Variants in MEI4 observed in about 807,000 individuals in gnomAD.
MEI4 encodes the protein meiotic double-stranded break formation protein 4.
Under a neutral mutation model 31.4 loss-of-function variants are expected in MEI4, and 27 were observed. The observed-to-expected ratio is 0.86, with a 90% CI of 0.63 to 1.19. The LOEUF is 1.19. Among genes scored for constraint, MEI4 ranks in the 50% most tolerant of loss-of-function variants. The pLI, the probability that MEI4 is intolerant of heterozygous loss-of-function variation, is 0.00. For synonymous variants in MEI4, 122 were observed against 145.4 expected (o/e 0.84, Z 1.16); for missense variants, 329 against 398.9 (o/e 0.82, Z 1.49).
At chr6:77,733,456 G>C (rs533845394) in intron 2 of MEI4, among the ~76,000 whole-genome samples, 2 of 152,060 alleles carry the variant, frequency 1.3e-5, no homozygotes, top group Non-Finnish European at 2.9e-5. Flanking sequence ...TTGTATTTCT[G>C]TGTGATCGGT....
chr6:77,750,249 G>A (rs947568693), intron 2 of MEI4, among the ~76,000 whole-genome samples: 1 of 152,156 alleles, frequency 6.6e-6, no homozygotes, highest in Non-Finnish European at 1.5e-5. Context: ...CATAGTGGCA[G>A]GATCAAATTC....
intron 4 of MEI4, among the ~76,000 whole-genome samples, chr6:77,894,058 T>G (rs1766025284): frequency 6.6e-6 from 1 of 152,194 alleles, no homozygotes; most frequent in African/African-American, 2.4e-5. Flanking sequence ...TTCTCTAGAT[T>G]ATCTTCAGGC....
intron 4 of MEI4, among the ~76,000 whole-genome samples, chr6:77,862,907 G>T (rs1770903822): frequency 6.6e-6 from 1 of 152,258 alleles, no homozygotes; most frequent in African/African-American, 2.4e-5. Flanking sequence ...CAGCAACATT[G>T]GCTGTTCACC....
chr6:77,699,018 T>G (rs1318081263), intron 2 of MEI4, among the ~76,000 whole-genome samples: 1 of 151,916 alleles, frequency 6.6e-6, no homozygotes, highest in Non-Finnish European at 1.5e-5. Context: ...TTCATTCATT[T>G]CGTCTTCCAT....
intron 2 of MEI4, among the ~76,000 whole-genome samples, chr6:77,738,320 C>T (rs930747032): frequency 5.3e-5 from 8 of 152,154 alleles, no homozygotes; most frequent in East Asian, 1.9e-4. Flanking sequence ...TATAATTTCA[C>T]GCATTTGAGA....
chr6:77,729,165 G>T (rs140374615), intron 2 of MEI4, among the ~76,000 whole-genome samples: 3 of 152,300 alleles, frequency 2.0e-5, no homozygotes, highest in Non-Finnish European at 4.4e-5. Flanking sequence ...TGAGAGTGGA[G>T]GTGGGATAAA....
intron 4 of MEI4, among the ~76,000 whole-genome samples, chr6:77,870,756 T>C (rs1263621572): frequency 6.6e-6 from 1 of 152,180 alleles, no homozygotes; most frequent in African/African-American, 2.4e-5. Flanking sequence ...TTAAAAGTTA[T>C]TTTTTACAGC....
chr6:77,784,205 A>G (rs966319401), intron 3 of MEI4, among the ~76,000 whole-genome samples: 1 of 152,174 alleles, frequency 6.6e-6, no homozygotes, highest in Admixed American at 6.6e-5. Flanking sequence ...TATAGAGGCA[A>G]CTGATTTCAG....
chr6:77,788,164 T>C (rs1768801135), intron 3 of MEI4, among the ~76,000 whole-genome samples: 1 of 152,160 alleles, frequency 6.6e-6, no homozygotes, highest in Admixed American at 6.5e-5. Context: ...CATGATTATC[T>C]CAATAGATGC....
Position 77,879,422 on chromosome 6 carries a change from A to C in MEI4, c.901-43667A>C, listed in dbSNP as rs187386686. Among the ~76,000 whole-genome samples, 32 of 152,322 alleles carry C rather than the reference A, an allele frequency of 2.1e-4. No individual in the cohort carries two copies. The East Asian group carries it at 6.2e-3, about 29-fold the overall frequency. ...TTAAAATGCTAAACCACATGGATGGAGTTAAACCAAATTAGAGATTAATTA... is the reference window on the plus strand; with the variant it reads ...TTAAAATGCTAAACCACATGGATGGCGTTAAACCAAATTAGAGATTAATTA... On this transcript the variant is annotated intron_variant, in intron 4 of 4. Coordinates refer to ENST00000684080, the MANE Select transcript of MEI4 (RefSeq NM_001322247.2).
intron 3 of MEI4, among the ~76,000 whole-genome samples, chr6:77,816,813 A>G (rs948085583): frequency 2.6e-5 from 4 of 152,184 alleles, no homozygotes; most frequent in Non-Finnish European, 5.9e-5. Flanking sequence ...TTACCTATGT[A>G]TGTGTTTCTA....
At chr6:77,851,099 A>T (rs1356381646) in intron 4 of MEI4, among the ~76,000 whole-genome samples, 1 of 152,176 alleles carries the variant, frequency 6.6e-6, no homozygotes, top group Non-Finnish European at 1.5e-5. Flanking sequence ...ATCATCTCAC[A>T]CCAGTTAGAA....
chr6:77,753,271 GAGCTTCTGCAC>G (rs1767827702), intron 2 of MEI4, among the ~76,000 whole-genome samples: 1 of 152,084 alleles, frequency 6.6e-6, no homozygotes, highest in Admixed American at 6.6e-5. Context: ...TTAAACTAAA[GAGCTTCTGCAC>G]AGCAGAAGAA....
At chr6:77,807,092 A>G (rs1769460039) in intron 3 of MEI4, among the ~76,000 whole-genome samples, 1 of 151,528 alleles carries the variant, frequency 6.6e-6, no homozygotes. Context: ...CAGCCCTGAG[A>G]GGATATCAGC....
intron 4 of MEI4, among the ~76,000 whole-genome samples, chr6:77,913,587 A>G (rs1766477230): frequency 6.6e-6 from 1 of 151,834 alleles, no homozygotes; most frequent in South Asian, 2.1e-4. Context: ...GTTGTTCATA[A>G]TTGTCTGTGA....
chr6:77,805,117 T>G (rs1769394265), intron 3 of MEI4, among the ~76,000 whole-genome samples: 1 of 152,180 alleles, frequency 6.6e-6, no homozygotes, highest in Non-Finnish European at 1.5e-5. Flanking sequence ...AAAGATTATT[T>G]TATTGTAGAG....
intron 3 of MEI4, among the ~76,000 whole-genome samples, chr6:77,810,362 A>G (rs1458953499): frequency 1.3e-5 from 2 of 152,154 alleles, no homozygotes; most frequent in African/African-American, 4.8e-5. Context: ...TGTTGTGGAA[A>G]AAAAGGAATA....
intron 1 of MEI4, among the ~76,000 whole-genome samples, chr6:77,686,130 C>A (rs1473122316): frequency 6.6e-6 from 1 of 152,144 alleles, no homozygotes; most frequent in African/African-American, 2.4e-5. Context: ...TGAGTGAAAG[C>A]CTCCTGAGGC....
intron 3 of MEI4, among the ~76,000 whole-genome samples, chr6:77,800,865 T>G (rs1769236293): frequency 6.6e-6 from 1 of 152,216 alleles, no homozygotes; most frequent in Non-Finnish European, 1.5e-5. Flanking sequence ...GTGGATAAGC[T>G]TTTTGATGTG....
Sources: allele counts gnomAD v4.1 joint callset (sites outside exome capture counted in the v4.1 genomes callset), GRCh38; gene constraint gnomAD v4.1.1; transcripts MANE v1.5; gene names NCBI Gene and HGNC (gene_info 2026-07-23, HGNC 2026-07-21).